The following BMPR1B variants were observed in gnomAD, a reference collection of about 807,000 sequenced individuals.
BMPR1B encodes the protein bone morphogenetic protein receptor type-1B.
A neutral mutation model predicts 59.1 loss-of-function variants in BMPR1B; 12 were observed. That is an observed-to-expected ratio of 0.20 (90% CI 0.13 to 0.33). The LOEUF is 0.33. BMPR1B is among the 10% of genes least tolerant of loss of function. BMPR1B has a pLI of 1.00. For synonymous variants in BMPR1B, 237 were observed against 207.3 expected (o/e 1.14, Z -1.23); for missense variants, 550 against 610.9 (o/e 0.90, Z 1.05).
chr4:95,062,123 T>C (rs893246766), intron 3 of BMPR1B, among the ~76,000 whole-genome samples: 5 of 152,150 alleles, frequency 3.3e-5, no homozygotes, highest in African/African-American at 9.7e-5. Context: ...CTTTTCTTCA[T>C]AAATCATGCA....
chr4:95,084,729 T>G (rs978704295), intron 3 of BMPR1B, among the ~76,000 whole-genome samples: 7 of 152,202 alleles, frequency 4.6e-5, no homozygotes, highest in African/African-American at 2.4e-5. Context: ...TGCACTAAAT[T>G]CCTAATCTAG....
At chr4:94,992,823 C>G (rs1342615797) in intron 2 of BMPR1B, among the ~76,000 whole-genome samples, 2 of 152,182 alleles carry the variant, frequency 1.3e-5, no homozygotes, top group South Asian at 2.1e-4. Flanking sequence ...AATCTTTACA[C>G]TGTCTATTGT....
intron 1 of BMPR1B, among the ~76,000 whole-genome samples, chr4:94,842,807 GAAAAC>G (rs1725144353): frequency 6.6e-6 from 1 of 152,128 alleles, no homozygotes; most frequent in Non-Finnish European, 1.5e-5. Context: ...ATAGCCAAGA[GAAAAC>G]AAATATATTT....
intron 1 of BMPR1B, among the ~76,000 whole-genome samples, chr4:94,773,766 C>T (rs1247946559): frequency 6.6e-6 from 1 of 152,014 alleles, no homozygotes; most frequent in African/African-American, 2.4e-5. Context: ...GATAATTTCC[C>T]TGTGTATCTC....
At chr4:94,817,496 G>C (rs140029771) in intron 1 of BMPR1B, among the ~76,000 whole-genome samples, 580 of 151,880 alleles carry the variant, frequency 3.8e-3, no homozygotes, top group Non-Finnish European at 6.7e-3. Context: ...GGCCTTTGGC[G>C]TATTAGCCTT....
At chr4:95,110,048 A>G (rs1431472337) in intron 4 of BMPR1B, among the ~76,000 whole-genome samples, 1 of 151,954 alleles carries the variant, frequency 6.6e-6, no homozygotes, top group Non-Finnish European at 1.5e-5. Flanking sequence ...ATCAATGAGA[A>G]TTTTAGACGG....
At chr4:95,022,490 T>A (rs6815044) in intron 3 of BMPR1B, among the ~76,000 whole-genome samples, 65,167 of 151,930 alleles carry the variant, frequency 0.43, 14,492 homozygotes, top group East Asian at 0.71. Flanking sequence ...TCTCTGAATT[T>A]TGGTAGATGT....
intron 1 of BMPR1B, among the ~76,000 whole-genome samples, chr4:94,862,932 G>C (rs959203889): frequency 7.5e-6 from 1 of 133,020 alleles, no homozygotes; most frequent in African/African-American, 2.9e-5. Flanking sequence ...GGGACAGAGC[G>C]AGACTCCGTC....
At chr4:94,856,386 C>T (rs999177137) in intron 1 of BMPR1B, among the ~76,000 whole-genome samples, 4 of 152,186 alleles carry the variant, frequency 2.6e-5, no homozygotes, top group Non-Finnish European at 4.4e-5. Flanking sequence ...CAGCTAGCAG[C>T]GTAAGTCATA....
chr4:95,125,891 T>C (rs552749180), intron 8 of BMPR1B, among the ~76,000 whole-genome samples: 1 of 152,262 alleles, frequency 6.6e-6, no homozygotes, highest in Non-Finnish European at 1.5e-5. Context: ...GCACATAAAC[T>C]CAACCTGCCT....
chr4:94,883,603 A>G (rs1442500367), intron 2 of BMPR1B, among the ~76,000 whole-genome samples: 4 of 151,662 alleles, frequency 2.6e-5, no homozygotes, highest in Non-Finnish European at 4.4e-5. Flanking sequence ...ATAATTCAAT[A>G]TATATATTAA....
intron 2 of BMPR1B, among the ~76,000 whole-genome samples, chr4:94,951,792 T>A (rs1020966054): frequency 6.6e-6 from 1 of 151,904 alleles, no homozygotes; most frequent in African/African-American, 2.4e-5. Context: ...TAGGGAGGAG[T>A]CCTTCTTTTT....
intron 3 of BMPR1B, among the ~76,000 whole-genome samples, chr4:95,049,223 C>T (rs1726254956): frequency 1.3e-5 from 2 of 151,874 alleles, no homozygotes; most frequent in South Asian, 2.1e-4. Flanking sequence ...AAAAAATCCT[C>T]CTATCTTAGC....
chr4:95,131,388 G>C lies in BMPR1B; in HGVS notation c.952G>C (p.Glu318Gln), dbSNP rs750995828. 1.2e-6 allele frequency: 2 copies of C among 1,613,974 alleles called. No homozygotes were observed. Among genetic ancestry groups the C allele is most frequent in the South Asian group, 1.1e-5 (1 of 91,064 alleles). ...SVSGLCHLHT[E>Q]IFSTQGKPAI... ...CAGTGGCTTATGTCATTTACACACA[G>C]AAATCTTTAGTACTCAAGGCAAACC... is the stretch of plus-strand genomic sequence containing the variant. Residue 318 changes from glutamate (E) to glutamine (Q), a missense_variant, in exon 10 of 13, where the codon GAA (glutamate) becomes CAA (glutamine). Physicochemically the swap from Glu to Gln is conservative, Grantham distance 29. This residue lies in a region of BMPR1B where 318 missense variants were observed against 284.6 expected (regional missense o/e 1.12). Transcript: ENST00000515059.
intron 3 of BMPR1B, among the ~76,000 whole-genome samples, chr4:95,070,329 TTGA>T (rs2149218462): frequency 6.6e-6 from 1 of 152,182 alleles, no homozygotes; most frequent in Non-Finnish European, 1.5e-5. Context: ...GATTGAGTTG[TTGA>T]TGGATTGGGC....
chr4:94,908,061 TAAAAAAAAAAAAAAA>T (rs571793477), intron 2 of BMPR1B, among the ~76,000 whole-genome samples: 2 of 46,254 alleles, frequency 4.3e-5, no homozygotes, highest in African/African-American at 1.4e-4. Context: ...ACCCTGTCTT[TAAAAAAAAAAAAAAA>T]AAAAAAAAAA....
chr4:94,860,151 T>C (rs1725922506), intron 1 of BMPR1B, among the ~76,000 whole-genome samples: 1 of 152,210 alleles, frequency 6.6e-6, no homozygotes, highest in African/African-American at 2.4e-5. Flanking sequence ...TGAGGGATTG[T>C]AAGTTGAAAG....
intron 3 of BMPR1B, among the ~76,000 whole-genome samples, chr4:95,074,045 C>G (rs1728522421): frequency 6.6e-6 from 1 of 151,812 alleles, no homozygotes; most frequent in Non-Finnish European, 1.5e-5. Context: ...TATAGACATA[C>G]TTGATTATTA....
intron 2 of BMPR1B, among the ~76,000 whole-genome samples, chr4:94,899,406 T>C (rs1358092616): frequency 6.6e-6 from 1 of 151,368 alleles, no homozygotes; most frequent in Non-Finnish European, 1.5e-5. Flanking sequence ...GCTTTGGATT[T>C]TCTTTAAATC....
Sources: gnomAD v4.1 joint callset for allele counts (sites outside exome capture counted in the v4.1 genomes callset) on GRCh38, gnomAD v4.1.1 for gene constraint, gnomAD v4.1.1 regional missense constraint, MANE v1.5 for transcripts, NCBI Gene and HGNC (gene_info 2026-07-23, HGNC 2026-07-21) for gene names.